FAM227B: variants seen among roughly 807,000 people sequenced by gnomAD.
The protein encoded by FAM227B is family with sequence similarity 227 member B, also known as protein FAM227B.
FAM227B carries 88 observed loss-of-function variants against 73.8 expected under a neutral mutation model. The observed-to-expected ratio is 1.19, with a 90% CI of 1.00 to 1.42. The LOEUF (loss-of-function observed/expected upper bound fraction) is 1.42, where lower values mean the gene tolerates loss of function less well. Among genes scored for constraint, FAM227B ranks in the 40% most tolerant of loss-of-function variants. FAM227B has a pLI of 0.00. For missense variants in FAM227B, 632 were observed against 590.9 expected, an observed-to-expected ratio of 1.07 and a Z score of -0.72; for synonymous variants, 210 against 190.5, an observed-to-expected ratio of 1.10 and a Z score of -0.84.
At chr15:49,351,264 A>G (rs1482892829) in intron 13 of FAM227B, among the ~76,000 whole-genome samples, 1 of 152,176 alleles carries the variant, frequency 6.6e-6, no homozygotes, top group Non-Finnish European at 1.5e-5. Context: ...CAATGCAAAA[A>G]TGACTACTAG....
At chr15:49,457,928 A>G (rs1044714888) in intron 11 of FAM227B, among the ~76,000 whole-genome samples, 4 of 152,022 alleles carry the variant, frequency 2.6e-5, no homozygotes, top group East Asian at 3.8e-4. Context: ...AATTAATGTT[A>G]GAAAAATTAA....
chr15:49,354,467 G>T (rs2151328970), intron 13 of FAM227B, among the ~76,000 whole-genome samples: 1 of 152,338 alleles, frequency 6.6e-6, no homozygotes, highest in South Asian at 2.1e-4. Context: ...CCCTTTCCGA[G>T]TCAAAGAAAG....
intron 13 of FAM227B, among the ~76,000 whole-genome samples, chr15:49,338,989 T>C (rs1596293805): frequency 6.6e-6 from 1 of 152,206 alleles, no homozygotes; most frequent in Non-Finnish European, 1.5e-5. Context: ...AGGTCACTTA[T>C]GTTCTTCTCT....
chr15:49,541,941 T>A, intron 9 of FAM227B, 135 bp from the exon 10 acceptor site: 1 of 670,900 alleles, frequency 1.5e-6, no homozygotes, highest in East Asian at 3.7e-5. Context: ...TTTTTTAAAT[T>A]CTAAAATCAC....
rs899748232 is a variant in FAM227B, at chr15:49,503,496, G to A, written c.1012+4715C>T. Among the ~76,000 whole-genome samples the A allele has an allele frequency of 3.3e-5, 5 of 152,234 alleles. No homozygotes were observed. In the South Asian group the frequency reaches 6.2e-4, roughly 19 times the overall value. On this transcript the variant is annotated intron_variant, in intron 11 of 15. Transcript: ENST00000299338. Reference sequence around the variant, plus strand: ...CATCACAGTGAACAGGCAACCTACAGAATGGGAGAAAATTTCTGCAATCTA... The same window carrying A: ...CATCACAGTGAACAGGCAACCTACAAAATGGGAGAAAATTTCTGCAATCTA...
chr15:49,471,938 T>C (rs1023423797), intron 11 of FAM227B, among the ~76,000 whole-genome samples: 7 of 152,058 alleles, frequency 4.6e-5, no homozygotes, highest in African/African-American at 1.7e-4. Context: ...ACAGTGAAGT[T>C]CTGGATAAGA....
intron 11 of FAM227B, among the ~76,000 whole-genome samples, chr15:49,442,452 T>C (rs368389492): frequency 6.6e-6 from 1 of 151,812 alleles, no homozygotes; most frequent in East Asian, 2.0e-4. Context: ...GGCATTACTG[T>C]TATGATTTTC....
At chr15:49,436,830 T>C (rs1203916060) in intron 11 of FAM227B, among the ~76,000 whole-genome samples, 2 of 151,634 alleles carry the variant, frequency 1.3e-5, no homozygotes, top group East Asian at 3.9e-4. Flanking sequence ...TATTACTTTG[T>C]ATCAAGCAGT....
chr15:49,577,697 T>C (rs777212172), intron 5 of FAM227B, 33 bp from the exon 6 acceptor site: 12 of 1,372,068 alleles, frequency 8.7e-6, no homozygotes, highest in African/African-American at 4.4e-5. Context: ...TCTTTAAAAC[T>C]CTAAATTAAA....
intron 9 of FAM227B, among the ~76,000 whole-genome samples, chr15:49,564,898 C>T (rs2074523919): frequency 6.6e-6 from 1 of 151,852 alleles, no homozygotes; most frequent in Non-Finnish European, 1.5e-5. Context: ...TACTTACTAC[C>T]TGGATGACAG....
chr15:49,417,351 C>A (rs189859088), intron 11 of FAM227B, among the ~76,000 whole-genome samples: 1 of 152,070 alleles, frequency 6.6e-6, no homozygotes, highest in Admixed American at 6.6e-5. Flanking sequence ...TATGCCACTG[C>A]GCTTCAGTCT....
intron 15 of FAM227B, chr15:49,329,178 G>A (rs2038106642): frequency 1.0e-6 from 1 of 986,858 alleles, no homozygotes; most frequent in Non-Finnish European, 1.2e-6. Context: ...GGGTGAAAGT[G>A]ACTATGAAAA....
Position 49,508,216 on chromosome 15 carries a change from G to T in FAM227B, c.1007C>A (p.Ser336Ter). 2 of 1,605,222 alleles carry T rather than the reference G, an allele frequency of 1.2e-6. No individual in the cohort carries two copies. Among genetic ancestry groups the T allele is most frequent in the Non-Finnish European group, 1.7e-6 (2 of 1,176,976 alleles). Residue 336 changes from serine (S) to a stop codon, truncating the protein, a stop_gained, in exon 11 of 16, where the codon TCA becomes TAA. Transcript: ENST00000299338. LOFTEE classifies it high-confidence loss of function. ...TATACAGAAACTTTACTTACTAGTTGATATATGTTCTTGACTGTCTGCAAT... is the reference window on the plus strand; with the variant it reads ...TATACAGAAACTTTACTTACTAGTTTATATATGTTCTTGACTGTCTGCAAT... ...ERIADSQEHI[S>*]TSIDFNIIKI...
rs551484974 is a variant in FAM227B at position 49,355,044 on chromosome 15, G to A, written c.1271+12404C>T. On this transcript the variant is annotated intron_variant, in intron 13 of 15. Transcript: ENST00000299338. ...AGCTGAGGGTCCTCTCTGTTAGAAGGAAAACTAACAAACAGAAAGGACATC... is the reference window on the plus strand; with the variant it reads ...AGCTGAGGGTCCTCTCTGTTAGAAGAAAAACTAACAAACAGAAAGGACATC... 1.9e-3 allele frequency among the ~76,000 whole-genome samples: 286 copies of A among 151,076 alleles called. 4 individuals are homozygous for A. Among genetic ancestry groups the A allele is most frequent in the African/African-American group, 6.4e-3 (262 of 40,830 alleles).
chr15:49,336,012 A>G (rs1456562026), intron 13 of FAM227B, among the ~76,000 whole-genome samples: 2 of 152,178 alleles, frequency 1.3e-5, no homozygotes, highest in East Asian at 3.9e-4. Flanking sequence ...TCTTGCCCAG[A>G]CTGGTCTTGA....
chr15:49,589,911 T>C lies in FAM227B; in HGVS notation c.202A>G (p.Thr68Ala), dbSNP rs937163066. The C allele has an allele frequency of 2.8e-5, 44 of 1,593,728 alleles. No homozygotes were observed. The highest frequency in any genetic ancestry group is 3.8e-5 in the Non-Finnish European group (44 of 1,161,622). ...CGAGGAACATTTTCCCATAGGTGTGTATAAATTGAAACAAATGAACTATCT... is the reference window on the plus strand; with the variant it reads ...CGAGGAACATTTTCCCATAGGTGTGCATAAATTGAAACAAATGAACTATCT... Reference protein sequence around the residue: ...KEDSSFVSIYTHLWENVPRIF... With the variant: ...KEDSSFVSIYAHLWENVPRIF... Residue 68 changes from threonine to alanine, a missense_variant, in exon 4 of 16, where the codon ACA becomes GCA. Coordinates refer to ENST00000299338, the MANE Select transcript of FAM227B (RefSeq NM_152647.3).
At chr15:49,609,017 A>G (rs1184428121) in intron 3 of FAM227B, among the ~76,000 whole-genome samples, 1 of 152,006 alleles carries the variant, frequency 6.6e-6, no homozygotes, top group African/African-American at 2.4e-5. Flanking sequence ...CCTTAAGAGT[A>G]GAATCTTTTG....
At chr15:49,546,202 T>C (rs1242443625) in intron 9 of FAM227B, among the ~76,000 whole-genome samples, 3 of 152,062 alleles carry the variant, frequency 2.0e-5, no homozygotes, top group African/African-American at 4.8e-5. Flanking sequence ...AGTGAGAACA[T>C]GCAGTGTTTG....
chr15:49,497,236 T>TA (rs1232512194), intron 11 of FAM227B, among the ~76,000 whole-genome samples: 1 of 152,160 alleles, frequency 6.6e-6, no homozygotes, highest in African/African-American at 2.4e-5. Flanking sequence ...GATGAAACAT[T>TA]AGGGACTATA....
Sources: allele counts gnomAD v4.1 joint callset (sites outside exome capture counted in the v4.1 genomes callset), GRCh38; gene constraint gnomAD v4.1.1; transcripts MANE v1.5; gene names NCBI Gene and HGNC (gene_info 2026-07-23, HGNC 2026-07-21).